TCF7L2: variants seen among roughly 807,000 people sequenced by gnomAD.
TCF7L2 encodes the protein transcription factor 7 like 2, also known as transcription factor 7-like 2.
TCF7L2 carries 23 observed loss-of-function variants against 77.9 expected under a neutral mutation model. The ratio of observed to expected loss-of-function variants is 0.30; its 90% confidence interval spans 0.21 to 0.42. The LOEUF (loss-of-function observed/expected upper bound fraction) is 0.42, where lower values mean the gene tolerates loss of function less well. TCF7L2 is among the 10% of genes least tolerant of loss of function. The pLI, the probability that TCF7L2 is intolerant of heterozygous loss-of-function variation, is 1.00. For synonymous variants in TCF7L2, 413 were observed against 340.2 expected, an observed-to-expected ratio of 1.21 and a Z score of -2.36; for missense variants, 654 against 793.1, an observed-to-expected ratio of 0.82 and a Z score of 2.11.
At chr10:113,015,994 C>G (rs748522596) in intron 4 of TCF7L2, among the ~76,000 whole-genome samples, 1 of 151,732 alleles carries the variant, frequency 6.6e-6, no homozygotes, top group South Asian at 2.1e-4. Flanking sequence ...CTGAGGGTAA[C>G]GCAGTAATAA....
chr10:112,951,110 ACC>A (rs72101402), intron 1 of TCF7L2, 95 bp from the exon 2 acceptor site: 18 of 1,047,226 alleles, frequency 1.7e-5, no homozygotes, highest in South Asian at 7.7e-5. Flanking sequence ...GTTTTTTTCT[ACC>A]CCCCCCTCGA....
At chr10:113,126,676 C>T in intron 5 of TCF7L2, 1 of 985,406 alleles carries the variant, frequency 1.0e-6, no homozygotes, top group Non-Finnish European at 1.2e-6. Context: ...GTGAATGGAA[C>T]TGTGCGTGAG....
intron 5 of TCF7L2, chr10:113,131,894 G>A (rs917209380): frequency 6.6e-6 from 1 of 152,228 alleles, no homozygotes; most frequent in Non-Finnish European, 1.5e-5. Flanking sequence ...AACTTTGCCT[G>A]GGTCACTCCC....
chr10:113,137,395 A>G (rs144244528), intron 5 of TCF7L2, among the ~76,000 whole-genome samples: 1 of 152,254 alleles, frequency 6.6e-6, no homozygotes, highest in African/African-American at 2.4e-5. Flanking sequence ...CTTTACGTGC[A>G]AGTTCTCATT....
At chr10:113,112,402 T>C (rs1183334298) in intron 5 of TCF7L2, among the ~76,000 whole-genome samples, 1 of 152,146 alleles carries the variant, frequency 6.6e-6, no homozygotes, top group Non-Finnish European at 1.5e-5. Flanking sequence ...GCAGCACCAA[T>C]CTTGGGGCAG....
intron 13 of TCF7L2, chr10:113,160,701 C>A: frequency 6.3e-7 from 1 of 1,583,132 alleles, no homozygotes; most frequent in Non-Finnish European, 8.6e-7. Context: ...GGTATATTAC[C>A]ACTGCGAGGC....
chr10:112,995,877 T>G (rs1337281609), intron 4 of TCF7L2, among the ~76,000 whole-genome samples: 1 of 152,142 alleles, frequency 6.6e-6, no homozygotes, highest in Non-Finnish European at 1.5e-5. Context: ...TTCATCTTCA[T>G]TGTCTAGGGG....
chr10:113,161,454 A>T, intron 13 of TCF7L2: 1 of 1,044,256 alleles, frequency 9.6e-7, no homozygotes, highest in South Asian at 1.4e-5. Context: ...TCCAGCCTGC[A>T]TTCTCAGGGA....
At chr10:113,146,178 C>T in intron 8 of TCF7L2, 81 bp downstream of exon 8, 1 of 1,233,610 alleles carries the variant, frequency 8.1e-7, no homozygotes, top group South Asian at 1.2e-5. Flanking sequence ...CCAAGCCACC[C>T]AGGGACCACA....
chr10:113,052,636 C>A (rs2054663915), intron 5 of TCF7L2, among the ~76,000 whole-genome samples: 1 of 152,234 alleles, frequency 6.6e-6, no homozygotes, highest in African/African-American at 2.4e-5. Context: ...CCTGATGTAT[C>A]CCACTTTGTT....
chr10:112,983,865 T>C (rs145286647), intron 4 of TCF7L2, among the ~76,000 whole-genome samples: 1 of 152,262 alleles, frequency 6.6e-6, no homozygotes, highest in African/African-American at 2.4e-5. Flanking sequence ...GAGGAAGCAA[T>C]CAGTTAGTGG....
intron 4 of TCF7L2, 41 bp downstream of exon 4, chr10:112,964,665 T>C (rs750023024): frequency 1.2e-5 from 18 of 1,556,646 alleles, no homozygotes; most frequent in Non-Finnish European, 4.4e-6. Context: ...ATTGTCTATA[T>C]GTAGGTCTCT....
At chr10:113,087,887 C>A (rs930704023) in intron 5 of TCF7L2, among the ~76,000 whole-genome samples, 1 of 152,168 alleles carries the variant, frequency 6.6e-6, no homozygotes, top group East Asian at 1.9e-4. Flanking sequence ...ACTATGGTAA[C>A]CATGTACACT....
At chr10:112,958,676 T>C (rs1319847134) in intron 3 of TCF7L2, among the ~76,000 whole-genome samples, 2 of 152,150 alleles carry the variant, frequency 1.3e-5, no homozygotes, top group Admixed American at 1.3e-4. Flanking sequence ...CCAATTATGA[T>C]GTACTAAAAT....
intron 4 of TCF7L2, among the ~76,000 whole-genome samples, chr10:112,985,748 C>G (rs1229729662): frequency 6.7e-6 from 1 of 149,480 alleles, no homozygotes; most frequent in African/African-American, 2.5e-5. Flanking sequence ...GAGGTGAATG[C>G]CCCCCCCTTC....
chr10:113,157,812 C>T, intron 11 of TCF7L2: 1 of 532,262 alleles, frequency 1.9e-6, no homozygotes, highest in Admixed American at 3.2e-5. Context: ...CTTCTCTGCT[C>T]CCAAGAAGCG....
intron 5 of TCF7L2, among the ~76,000 whole-genome samples, chr10:113,101,907 G>T (rs907713218): frequency 1.4e-5 from 2 of 147,872 alleles, no homozygotes; most frequent in African/African-American, 5.0e-5. Flanking sequence ...GGGAGGCCAA[G>T]GCGGGTGGAT....
intron 4 of TCF7L2, among the ~76,000 whole-genome samples, chr10:112,993,934 A>G (rs1283822838): frequency 6.6e-6 from 1 of 152,140 alleles, no homozygotes; most frequent in Non-Finnish European, 1.5e-5. Context: ...GCATGCCTGT[A>G]GACCCAGCTA....
intron 4 of TCF7L2, among the ~76,000 whole-genome samples, chr10:112,973,014 A>G: frequency 6.6e-6 from 1 of 152,180 alleles, no homozygotes; most frequent in East Asian, 1.9e-4. Context: ...GTTCCCTTAC[A>G]GCAGTGGCTA....
Sources: gnomAD v4.1 joint callset for allele counts (sites outside exome capture counted in the v4.1 genomes callset) on GRCh38, gnomAD v4.1.1 for gene constraint, MANE v1.5 for transcripts, NCBI Gene and HGNC (gene_info 2026-07-23, HGNC 2026-07-21) for gene names.